AUTS2: variants seen among roughly 807,000 people sequenced by gnomAD.
AUTS2 encodes activator of transcription and developmental regulator AUTS2, also known as autism susceptibility gene 2 protein.
In AUTS2, 17 loss-of-function variants were observed where a neutral mutation model predicts 112.4. The ratio of observed to expected loss-of-function variants is 0.15; its 90% confidence interval spans 0.10 to 0.23. The LOEUF is 0.23. Among genes scored for constraint, AUTS2 ranks in the 10% least tolerant of loss-of-function variants. AUTS2 has a pLI of 1.00. For missense variants in AUTS2, 1,510 were observed against 1,701.6 expected (o/e 0.89, Z 1.98); for synonymous variants, 751 against 702.7 (o/e 1.07, Z -1.09).
At chr7:70,114,338 A>C (rs141726053) in intron 2 of AUTS2, among the ~76,000 whole-genome samples, 183 of 152,340 alleles carry the variant, frequency 1.2e-3, no homozygotes, top group African/African-American at 4.1e-3. Context: ...ATGCAAGCAG[A>C]TCAATTTTTC....
At chr7:69,975,601 A>C (rs2129548513) in intron 2 of AUTS2, among the ~76,000 whole-genome samples, 1 of 151,322 alleles carries the variant, frequency 6.6e-6, no homozygotes, top group African/African-American at 2.4e-5. Context: ...TTAGATGAGT[A>C]ATTTTAGTTG....
chr7:69,755,239 G>C (rs895394661), intron 1 of AUTS2, among the ~76,000 whole-genome samples: 1 of 152,142 alleles, frequency 6.6e-6, no homozygotes, highest in African/African-American at 2.4e-5. Context: ...CTATAGACTA[G>C]GGAAACTATC....
chr7:70,218,572 C>A (rs1323231938), intron 4 of AUTS2, among the ~76,000 whole-genome samples: 1 of 152,138 alleles, frequency 6.6e-6, no homozygotes, highest in Non-Finnish European at 1.5e-5. Flanking sequence ...TTCCAACAAG[C>A]CCCAGCCCCA....
At chr7:69,798,852 G>A (rs560145962) in intron 1 of AUTS2, among the ~76,000 whole-genome samples, 58 of 152,120 alleles carry the variant, frequency 3.8e-4, no homozygotes, top group Non-Finnish European at 6.9e-4. Context: ...TTAGCTGGGT[G>A]TGATGGTGCA....
At chr7:70,722,707 T>C (rs898421771) in intron 6 of AUTS2, among the ~76,000 whole-genome samples, 6 of 152,194 alleles carry the variant, frequency 3.9e-5, no homozygotes, top group Non-Finnish European at 8.8e-5. Flanking sequence ...GCTAAAACAT[T>C]CTTCTTCACA....
At chr7:70,302,558 T>A (rs1196981923) in intron 4 of AUTS2, among the ~76,000 whole-genome samples, 1 of 149,690 alleles carries the variant, frequency 6.7e-6, no homozygotes, top group Admixed American at 6.7e-5. Flanking sequence ...CTCCTCTCTA[T>A]CCCCCAAAAC....
chr7:70,346,736 A>T (rs1330172080), intron 4 of AUTS2, among the ~76,000 whole-genome samples: 2 of 152,080 alleles, frequency 1.3e-5, no homozygotes. Context: ...TAATCACCGA[A>T]CTTTGTTAGG....
chr7:69,870,421 TA>T (rs1227708427), intron 1 of AUTS2, among the ~76,000 whole-genome samples: 4 of 129,216 alleles, frequency 3.1e-5, no homozygotes, highest in Admixed American at 8.4e-5. Context: ...TTGTCATATA[TA>T]TACATATCTG....
chr7:70,018,330 G>T (rs940951669), intron 2 of AUTS2, among the ~76,000 whole-genome samples: 1 of 151,982 alleles, frequency 6.6e-6, no homozygotes, highest in East Asian at 1.9e-4. Flanking sequence ...AGTGCAGCTG[G>T]ATCAATCATT....
chr7:70,040,245 G>A (rs559443727), intron 2 of AUTS2, among the ~76,000 whole-genome samples: 1 of 152,178 alleles, frequency 6.6e-6, no homozygotes, highest in East Asian at 1.9e-4. Context: ...CTCATCCATT[G>A]TAACTATGTA....
At chr7:70,672,518 C>T (rs57559085) in intron 5 of AUTS2, among the ~76,000 whole-genome samples, 2,570 of 152,278 alleles carry the variant, frequency 0.017, 76 homozygotes, top group African/African-American at 0.058. Flanking sequence ...GCCAGAGTTA[C>T]TCTCTTTGGG....
At chr7:69,849,509 C>G (rs1421118096) in intron 1 of AUTS2, among the ~76,000 whole-genome samples, 2 of 152,094 alleles carry the variant, frequency 1.3e-5, no homozygotes, top group African/African-American at 4.8e-5. Flanking sequence ...ATAACAACTT[C>G]TACCACCTTC....
intron 5 of AUTS2, among the ~76,000 whole-genome samples, chr7:70,635,110 GA>G (rs1805467243): frequency 6.6e-6 from 1 of 152,132 alleles, no homozygotes; most frequent in African/African-American, 2.4e-5. Context: ...TCCACTCTGC[GA>G]AAAAATTAAT....
intron 1 of AUTS2, among the ~76,000 whole-genome samples, chr7:69,729,994 A>ATTTTTTTT (rs10684331): frequency 8.8e-5 from 5 of 56,748 alleles, no homozygotes; most frequent in Non-Finnish European, 1.2e-4. Flanking sequence ...TGTTGTTTTA[A>ATTTTTTTT]TTTTTTTTTT....
intron 4 of AUTS2, among the ~76,000 whole-genome samples, chr7:70,223,036 C>A (rs544546413): frequency 6.6e-6 from 1 of 151,748 alleles, no homozygotes; most frequent in Non-Finnish European, 1.5e-5. Flanking sequence ...TACAGGTGCC[C>A]GCCACCACAC....
At chr7:70,288,397 G>C (rs891107402) in intron 4 of AUTS2, among the ~76,000 whole-genome samples, 1 of 151,948 alleles carries the variant, frequency 6.6e-6, no homozygotes, top group African/African-American at 2.4e-5. Flanking sequence ...GCAAGACTCC[G>C]TCTCAAAAAA....
At chr7:70,602,144 G>A (rs1803503747) in intron 5 of AUTS2, among the ~76,000 whole-genome samples, 1 of 149,802 alleles carries the variant, frequency 6.7e-6, no homozygotes, top group Non-Finnish European at 1.5e-5. Context: ...TGACATATTG[G>A]GGCAAAAGAA....
At chr7:70,341,832 C>A (rs1791277874) in intron 4 of AUTS2, among the ~76,000 whole-genome samples, 1 of 152,174 alleles carries the variant, frequency 6.6e-6, no homozygotes, top group Admixed American at 6.5e-5. Flanking sequence ...AAATGGACAA[C>A]TTATTGACTT....
chr7:69,781,717 T>G (rs1789150986), intron 1 of AUTS2, among the ~76,000 whole-genome samples: 1 of 152,102 alleles, frequency 6.6e-6, no homozygotes, highest in Non-Finnish European at 1.5e-5. Flanking sequence ...AGTGGCTGAT[T>G]TTTGTTTGTT....
Sources: allele counts gnomAD v4.1 joint callset (sites outside exome capture counted in the v4.1 genomes callset), GRCh38; gene constraint gnomAD v4.1.1; transcripts MANE v1.5; gene names NCBI Gene and HGNC (gene_info 2026-07-23, HGNC 2026-07-21).